PAX7: variants seen among roughly 807,000 people sequenced by gnomAD.
PAX7 encodes paired box protein Pax-7.
Under a neutral mutation model 50.7 loss-of-function variants are expected in PAX7, and 18 were observed. That is an observed-to-expected ratio of 0.36 (90% CI 0.25 to 0.53). The LOEUF is 0.53. Among genes scored for constraint, PAX7 ranks in the 20% least tolerant of loss-of-function variants. PAX7 has a pLI of 0.93. For missense variants in PAX7, 644 were observed against 702.9 expected (o/e 0.92, Z 0.95); for synonymous variants, 310 against 290.4 (o/e 1.07, Z -0.69).
intron 7 of PAX7, among the ~76,000 whole-genome samples, chr1:18,708,288 G>A (rs1478338689): frequency 6.6e-6 from 1 of 152,158 alleles, no homozygotes; most frequent in African/African-American, 2.4e-5. Context: ...GGGTGCCGTG[G>A]CTCACATCTG....
intron 7 of PAX7, among the ~76,000 whole-genome samples, chr1:18,725,995 C>CGTGTGT (rs1557554082): frequency 2.2e-5 from 3 of 138,700 alleles, no homozygotes; most frequent in Admixed American, 7.4e-5. Flanking sequence ...TGTGTGTGTG[C>CGTGTGT]GCGCGCGCGC....
intron 4 of PAX7, among the ~76,000 whole-genome samples, chr1:18,686,329 C>T (rs1438456533): frequency 1.3e-5 from 2 of 152,234 alleles, no homozygotes; most frequent in African/African-American, 2.4e-5. Flanking sequence ...GCATCTCTCC[C>T]TGTATCCTTC....
At position 18,736,070 on chromosome 1, in the gene PAX7, A is replaced by T. The variant is rs1289359489; in HGVS notation, c.1402+192A>T. 14 of 1,066,876 alleles carry T rather than the reference A, an allele frequency of 1.3e-5. No homozygotes were observed. The African/African-American group carries it at 2.2e-4, about 17-fold the overall frequency. The allele number at this position is 1,066,876 out of a possible 1,614,324, so 66.1% of individuals were successfully genotyped here. ...CACTGAGTTGGGCAAAACCCAGGAC[A>T]TCTCCTGGCTAAGCCTCTGCTTCCG... On this transcript the variant is annotated intron_variant, in intron 8 of 8. Coordinates refer to ENST00000420770, the MANE Select transcript of PAX7 (RefSeq NM_001135254.2).
Position 18,693,998 on chromosome 1 carries a change from G to C in PAX7, c.786+2045G>C, listed in dbSNP as rs538690295. On this transcript the variant is annotated intron_variant, in intron 5 of 8. Transcript: ENST00000420770. ...TGAGGGGGCGGGGCCCGCCTCCTGC[G>C]TCTTATTGACTTCCTATCATACTCT... 2.0e-5 allele frequency among the ~76,000 whole-genome samples: 3 copies of C among 152,336 alleles called. No individual in the cohort carries two copies. In the East Asian group the frequency reaches 5.8e-4, roughly 29 times the overall value.
chr1:18,709,868 G>A (rs891718972), intron 7 of PAX7, among the ~76,000 whole-genome samples: 1 of 152,192 alleles, frequency 6.6e-6, no homozygotes, highest in Admixed American at 6.5e-5. Flanking sequence ...CTAAGTCATA[G>A]GGGCAATTAA....
At chr1:18,654,466 C>T (rs1190686926) in intron 4 of PAX7, among the ~76,000 whole-genome samples, 2 of 152,198 alleles carry the variant, frequency 1.3e-5, no homozygotes, top group East Asian at 3.9e-4. Flanking sequence ...TGACAAAATG[C>T]AACACAGTAA....
chr1:18,638,711 G>A (rs1337615078), intron 4 of PAX7, among the ~76,000 whole-genome samples: 2 of 151,106 alleles, frequency 1.3e-5, no homozygotes, highest in African/African-American at 4.9e-5. Context: ...GTGTAGATGG[G>A]TGTGAATGGG....
chr1:18,685,298 G>A (rs1465925523), intron 4 of PAX7, among the ~76,000 whole-genome samples: 1 of 152,178 alleles, frequency 6.6e-6, no homozygotes, highest in African/African-American at 2.4e-5. Flanking sequence ...AAGTTCGGGG[G>A]GTGACTGCTG....
chr1:18,724,883 A>G (rs2089538635), intron 7 of PAX7, among the ~76,000 whole-genome samples: 1 of 152,224 alleles, frequency 6.6e-6, no homozygotes, highest in African/African-American at 2.4e-5. Context: ...CTACGCAGCC[A>G]CATAGCCACA....
chr1:18,676,299 G>C (rs1201333166), intron 4 of PAX7, among the ~76,000 whole-genome samples: 1 of 151,930 alleles, frequency 6.6e-6, no homozygotes, highest in Non-Finnish European at 1.5e-5. Context: ...TTCCACTGTG[G>C]ACCTGCTCTG....
At position 18,645,578 on chromosome 1, in the gene PAX7, G is replaced by A. The variant is rs549878278; in HGVS notation, c.586+9207G>A. On this transcript the variant is annotated intron_variant, in intron 4 of 8. Coordinates refer to ENST00000420770, the MANE Select transcript of PAX7 (RefSeq NM_001135254.2). ...TGGAGAGGGACAGCTACGGCTGCGG[G>A]CTCCAATTCAGGCCGAGGTCTTTCG... is the stretch of plus-strand genomic sequence containing the variant. Among the ~76,000 whole-genome samples, 3 of 152,334 alleles carry A rather than the reference G, an allele frequency of 2.0e-5. No individual in the cohort carries two copies. The East Asian group carries it at 5.8e-4, about 29-fold the overall frequency.
chr1:18,742,221 G>A (rs1292052223), intron 8 of PAX7, among the ~76,000 whole-genome samples: 4 of 137,626 alleles, frequency 2.9e-5, no homozygotes, highest in African/African-American at 5.7e-5. Context: ...GCAGTGGTGC[G>A]ATCTTGGCTC....
chr1:18,735,878 A>T lies in PAX7; in HGVS notation c.1402A>T (p.Thr468Ser). 6.2e-7 allele frequency: 1 copy of T among 1,614,112 alleles called. No individual in the cohort carries two copies. Among genetic ancestry groups the T allele is most frequent in the Non-Finnish European group, 8.5e-7 (1 of 1,180,032 alleles). The change falls in exon 8 of 9, where the codon ACT (threonine) becomes TCT (serine). Residue 468 changes from threonine (T) to serine (S), a missense_variant and splice_region_variant. Coordinates refer to ENST00000420770, the MANE Select transcript of PAX7 (RefSeq NM_001135254.2). This position sits in a 1 kb window ranked among gnomAD's most constrained non-coding sequence, Gnocchi z 4.0. ...AGYQYGQYGQ[T>S]AVDYLAKNVS... ...CTATCAGTACGGCCAGTACGGCCAG[A>T]GTGAGTGCCTGGTGCCCTGGGCGTC... is the stretch of plus-strand genomic sequence containing the variant.
intron 7 of PAX7, among the ~76,000 whole-genome samples, chr1:18,719,698 C>G (rs944132416): frequency 6.6e-6 from 1 of 152,218 alleles, no homozygotes; most frequent in Non-Finnish European, 1.5e-5. Context: ...CTCTGCTGGC[C>G]CTGGAACTCC....
chr1:18,725,462 G>A (rs558943706), intron 7 of PAX7, among the ~76,000 whole-genome samples: 87 of 152,022 alleles, frequency 5.7e-4, no homozygotes, highest in Non-Finnish European at 1.0e-3. Flanking sequence ...GGCCAATTAG[G>A]CCCCTGACAC....
chr1:18,693,016 C>G (rs2100299670), intron 5 of PAX7, among the ~76,000 whole-genome samples: 1 of 152,202 alleles, frequency 6.6e-6, no homozygotes, highest in South Asian at 2.1e-4. Context: ...CTCTGGGGAT[C>G]TGGCTGGAAA....
At chr1:18,736,303 A>G (rs2089712628) in intron 8 of PAX7, among the ~76,000 whole-genome samples, 3 of 152,040 alleles carry the variant, frequency 2.0e-5, no homozygotes. Context: ...TGTCTCTACT[A>G]AAAATACAAA....
chr1:18,676,799 G>GT (rs2088829053), intron 4 of PAX7, among the ~76,000 whole-genome samples: 2 of 152,188 alleles, frequency 1.3e-5, no homozygotes, highest in African/African-American at 2.4e-5. Context: ...TTGAGAGCCA[G>GT]CCCCGCTGTA....
At chr1:18,704,511 T>G (rs1326428036) in intron 7 of PAX7, among the ~76,000 whole-genome samples, 1 of 152,066 alleles carries the variant, frequency 6.6e-6, no homozygotes, top group Non-Finnish European at 1.5e-5. Context: ...TTTCAGCTAC[T>G]TGGGAGGCTG....
Sources: gnomAD v4.1 joint callset for allele counts (sites outside exome capture counted in the v4.1 genomes callset) on GRCh38, gnomAD v4.1.1 for gene constraint, Gnocchi (gnomAD v3.1) non-coding constraint, MANE v1.5 for transcripts, NCBI Gene and HGNC (gene_info 2026-07-23, HGNC 2026-07-21) for gene names.